NPHP1: variants seen among roughly 807,000 people sequenced by gnomAD.
The protein encoded by NPHP1 is nephrocystin-1.
Under a neutral mutation model 90.4 loss-of-function variants are expected in NPHP1, and 70 were observed. That is an observed-to-expected ratio of 0.77 (90% CI 0.64 to 0.95). The LOEUF is 0.95. NPHP1 is among the 40% of genes least tolerant of loss of function. The pLI, the probability that NPHP1 is intolerant of heterozygous loss-of-function variation, is 0.00. For synonymous variants in NPHP1, 256 were observed against 271.7 expected (o/e 0.94, Z 0.57); for missense variants, 764 against 795.9 (o/e 0.96, Z 0.48).
intron 11 of NPHP1, among the ~76,000 whole-genome samples, chr2:110,152,165 G>A (rs73954621): frequency 6.6e-6 from 1 of 152,058 alleles, no homozygotes; most frequent in Non-Finnish European, 1.5e-5. Flanking sequence ...CATTAAAAAC[G>A]CAAGAGGGGC....
chr2:110,135,615 A>G (rs1680122133), intron 16 of NPHP1, among the ~76,000 whole-genome samples: 1 of 151,940 alleles, frequency 6.6e-6, no homozygotes, highest in African/African-American at 2.4e-5. Context: ...TCATTCTAAT[A>G]TATATTTCTA....
chr2:110,184,571 G>A, intron 2 of NPHP1: 2 of 1,306,374 alleles, frequency 1.5e-6, no homozygotes, highest in Non-Finnish European at 2.2e-6. Context: ...CCATCTATCA[G>A]GGCTTTGCCA....
intron 7 of NPHP1, 119 bp downstream of exon 7, chr2:110,164,933 A>C: frequency 1.1e-6 from 1 of 918,588 alleles, no homozygotes; most frequent in South Asian, 1.4e-5. Flanking sequence ...ATAGTATGAA[A>C]AGCTCTCCAG....
intron 17 of NPHP1, 43 bp from the exon 18 acceptor site, chr2:110,129,302 T>A (rs752453715): frequency 1.4e-6 from 2 of 1,429,144 alleles, no homozygotes; most frequent in Non-Finnish European, 2.0e-6. Context: ...CAAACTTCAC[T>A]CAATGGATTT....
chr2:110,134,912 G>T (rs933863479), intron 16 of NPHP1, among the ~76,000 whole-genome samples: 1 of 151,988 alleles, frequency 6.6e-6, no homozygotes, highest in Admixed American at 6.6e-5. Flanking sequence ...TTTCCTCTAA[G>T]ATAAGGAACA....
intron 4 of NPHP1, 70 bp downstream of exon 4, chr2:110,178,353 G>A: frequency 7.0e-7 from 1 of 1,436,606 alleles, no homozygotes; most frequent in Non-Finnish European, 9.8e-7. Context: ...ATATGTCTTT[G>A]AGTTAAACAT....
chr2:110,169,732 A>G, intron 5 of NPHP1, 74 bp downstream of exon 5: 1 of 970,506 alleles, frequency 1.0e-6, no homozygotes, highest in Non-Finnish European at 1.7e-6. Flanking sequence ...ATACAGGTGT[A>G]CAGGCAGAGT....
At chr2:110,191,053 T>C (rs1004334284) in intron 2 of NPHP1, among the ~76,000 whole-genome samples, 1 of 152,034 alleles carries the variant, frequency 6.6e-6, no homozygotes, top group Non-Finnish European at 1.5e-5. Flanking sequence ...GATGGCCAAA[T>C]ACGAACAACT....
At position 110,161,632 on chromosome 2, in the gene NPHP1, C is replaced by A; in HGVS notation, c.925G>T (p.Asp309Tyr). 6.2e-7 allele frequency: 1 copy of A among 1,612,298 alleles called. No homozygotes were observed. The highest frequency in any genetic ancestry group is 8.5e-7 in the Non-Finnish European group (1 of 1,178,468). Reference protein sequence around the residue: ...ELMPSQLAFRDLMWDATEGTI... With the variant: ...ELMPSQLAFRYLMWDATEGTI... ...CCTTCTGTAGCATCCCACATCAGAT[C>A]TCTGAAGGCCAGTTGTGAAGGCATG... The change falls in exon 10 of 20, where the codon GAT (aspartate) becomes TAT (tyrosine). Residue 309 changes from aspartate to tyrosine, a missense_variant. Asp to Tyr is a radical substitution (Grantham distance 160). Coordinates refer to ENST00000445609, the MANE Select transcript of NPHP1 (RefSeq NM_001128178.3).
Position 110,179,759 on chromosome 2 carries a change from C to T in NPHP1, c.144-75G>A, listed in dbSNP as rs1683759004. ...CAGAAAGCTATTTTATAAAATCATT[C>T]AGTCGTTGAGCAGGCAAGGCAATTA... On this transcript the variant is annotated intron_variant, in intron 2 of 19. Transcript: ENST00000445609. 1.6e-5 allele frequency: 12 copies of T among 730,662 alleles called. No individual in the cohort carries two copies. The East Asian group carries it at 3.4e-4, about 21-fold the overall frequency. The allele number at this position is 730,662 out of a possible 1,614,324, so 45.3% of individuals were successfully genotyped here.
chr2:110,179,911 T>A (rs1683769711), intron 2 of NPHP1, among the ~76,000 whole-genome samples: 1 of 152,070 alleles, frequency 6.6e-6, no homozygotes, highest in Non-Finnish European at 1.5e-5. Context: ...ACCTTCAGTG[T>A]CTCTGGGCAT....
chr2:110,184,487 G>T, intron 2 of NPHP1: 1 of 912,726 alleles, frequency 1.1e-6, no homozygotes, highest in South Asian at 1.5e-5. Flanking sequence ...TGTAAGCTGT[G>T]CTCAGCCTTT....
chr2:110,179,758 T>C (rs1241705267), intron 2 of NPHP1, 74 bp from the exon 3 acceptor site: 5 of 733,542 alleles, frequency 6.8e-6, no homozygotes, highest in Non-Finnish European at 1.1e-5. Context: ...ATAAAATCAT[T>C]CAGTCGTTGA....
intron 2 of NPHP1, among the ~76,000 whole-genome samples, chr2:110,185,830 G>A (rs1402778632): frequency 1.3e-5 from 2 of 152,168 alleles, no homozygotes; most frequent in Admixed American, 6.5e-5. Context: ...GAGGAGGGCA[G>A]GAGTAGTACT....
At chr2:110,199,996 G>A (rs1459916343) in intron 2 of NPHP1, among the ~76,000 whole-genome samples, 4 of 152,124 alleles carry the variant, frequency 2.6e-5, no homozygotes, top group Non-Finnish European at 4.4e-5. Context: ...GGTGGCTCAC[G>A]CCTATAATCC....
chr2:110,195,164 C>T (rs906979969), intron 2 of NPHP1, among the ~76,000 whole-genome samples: 4 of 151,964 alleles, frequency 2.6e-5, no homozygotes, highest in Admixed American at 6.6e-5. Context: ...CCAGGGCAAT[C>T]AGGCAGGAGA....
At chr2:110,157,334 A>G (rs955541428) in intron 11 of NPHP1, among the ~76,000 whole-genome samples, 20 of 152,222 alleles carry the variant, frequency 1.3e-4, no homozygotes, top group East Asian at 1.9e-4. Flanking sequence ...ACAGAAACCA[A>G]TTCAGCTCTT....
chr2:110,198,831 G>A (rs1363600341), intron 2 of NPHP1, among the ~76,000 whole-genome samples: 2 of 152,000 alleles, frequency 1.3e-5, no homozygotes, highest in Non-Finnish European at 2.9e-5. Flanking sequence ...GCCCATGAGA[G>A]CTCTCTGGAA....
Position 110,204,944 on chromosome 2 carries a change from G to A in NPHP1, c.25C>T (p.Pro9Ser), listed in dbSNP as rs1161685316. ...TTGCGGCGCCGCAGGGCCTGGAGAG[G>A]ATCTCGCTGTCGTCTCGCCAGCATC... MLARRQRD[P>S]LQALRRRNQE... Residue 9 changes from proline (P) to serine (S), a missense_variant, in exon 1 of 20, where the codon CCT becomes TCT. Physicochemically the swap from Pro to Ser is moderately conservative, Grantham distance 74. Transcript: ENST00000445609. The A allele has an allele frequency of 4.3e-6, 7 of 1,613,932 alleles. No individual in the cohort carries two copies. The highest frequency in any genetic ancestry group is 1.3e-5 in the African/African-American group (1 of 74,942).
Sources: gnomAD v4.1 joint callset for allele counts (sites outside exome capture counted in the v4.1 genomes callset) on GRCh38, gnomAD v4.1.1 for gene constraint, MANE v1.5 for transcripts, NCBI Gene and HGNC (gene_info 2026-07-23, HGNC 2026-07-21) for gene names.